The following LRRC4C variants were observed in gnomAD, a reference collection of about 807,000 sequenced individuals.
LRRC4C encodes leucine-rich repeat-containing protein 4C.
In LRRC4C, 5 loss-of-function variants were observed where a neutral mutation model predicts 33.6. That is an observed-to-expected ratio of 0.15 (90% CI 0.08 to 0.31). The LOEUF (loss-of-function observed/expected upper bound fraction) is 0.31. Ranked by LOEUF, LRRC4C falls within the 10% of genes least tolerant of loss-of-function variation. The pLI, the probability that LRRC4C is intolerant of heterozygous loss-of-function variation, is 1.00. For synonymous variants in LRRC4C, 329 were observed against 302.0 expected, an observed-to-expected ratio of 1.09 and a Z score of -0.93; for missense variants, 560 against 796.7, an observed-to-expected ratio of 0.70 and a Z score of 3.58.
intron 4 of LRRC4C, among the ~76,000 whole-genome samples, chr11:40,281,505 C>T (rs1170551540): frequency 6.6e-6 from 1 of 152,162 alleles, no homozygotes; most frequent in African/African-American, 2.4e-5. Flanking sequence ...TGAGATTTGG[C>T]TCAGGTTCAA....
intron 1 of LRRC4C, among the ~76,000 whole-genome samples, chr11:41,425,167 T>C (rs1001470270): frequency 1.3e-5 from 2 of 152,100 alleles, no homozygotes; most frequent in Non-Finnish European, 2.9e-5. Flanking sequence ...GTCATCATGA[T>C]TAATTTCATT....
chr11:40,995,105 G>C lies in LRRC4C; in HGVS notation c.-495-61382C>G, dbSNP rs1853875036. ...AAACAACAACTTAATGTGTGTTTTT[G>C]AGAACTGAGTATTTTTTTCTCTTGA... On this transcript the variant is annotated intron_variant, in intron 1 of 6. Transcript: ENST00000528697. Among the ~76,000 whole-genome samples, 8 of 152,120 alleles carry C rather than the reference G, an allele frequency of 5.3e-5. 1 individual carries two copies. Among genetic ancestry groups the C allele is most frequent in the Admixed American group, 5.2e-4 (8 of 15,256 alleles).
intron 1 of LRRC4C, among the ~76,000 whole-genome samples, chr11:41,355,632 A>C (rs1431286388): frequency 6.6e-6 from 1 of 152,066 alleles, no homozygotes; most frequent in East Asian, 1.9e-4. Flanking sequence ...TGTTGTTGTT[A>C]ACTCTTTTTT....
chr11:40,677,004 G>T (rs1944438334), intron 2 of LRRC4C, among the ~76,000 whole-genome samples: 1 of 152,112 alleles, frequency 6.6e-6, no homozygotes, highest in African/African-American at 2.4e-5. Context: ...CAGCAGATAT[G>T]ATCATTGTGG....
intron 3 of LRRC4C, among the ~76,000 whole-genome samples, chr11:40,568,387 G>T (rs1168229831): frequency 6.6e-6 from 1 of 152,198 alleles, no homozygotes; most frequent in African/African-American, 2.4e-5. Context: ...TACCTTGATT[G>T]CAGGCTTTTG....
chr11:40,489,135 C>A (rs1019242015), intron 3 of LRRC4C, among the ~76,000 whole-genome samples: 3 of 152,078 alleles, frequency 2.0e-5, no homozygotes, highest in African/African-American at 7.2e-5. Flanking sequence ...AATCCCACTT[C>A]ATTATATCCC....
At chr11:40,633,371 T>TTTTCTTTCTTTCTTTCTTTCTCTCTC in intron 3 of LRRC4C, among the ~76,000 whole-genome samples, 1 of 96,324 alleles carries the variant, frequency 1.0e-5, no homozygotes, top group African/African-American at 3.5e-5. Context: ...CTTTCTTTCT[T>TTTTCTTTCTTTCTTTCTTTCTCTCTC]TCTCTCTCTT....
intron 1 of LRRC4C, among the ~76,000 whole-genome samples, chr11:41,236,213 C>G (rs1347321202): frequency 1.3e-5 from 2 of 152,132 alleles, no homozygotes; most frequent in Non-Finnish European, 2.9e-5. Context: ...GGTATAGAAG[C>G]TCTGAACTAA....
chr11:41,155,955 G>A (rs533062525), intron 1 of LRRC4C, among the ~76,000 whole-genome samples: 6 of 152,024 alleles, frequency 3.9e-5, no homozygotes, highest in East Asian at 1.9e-4. Context: ...CATCTTCCAC[G>A]TGATGACTCA....
chr11:41,212,532 G>T (rs1946865941), intron 1 of LRRC4C, among the ~76,000 whole-genome samples: 1 of 152,138 alleles, frequency 6.6e-6, no homozygotes, highest in African/African-American at 2.4e-5. Flanking sequence ...CATCGCTTAG[G>T]TATTAAGCTC....
At chr11:40,597,794 G>A (rs1231121719) in intron 3 of LRRC4C, among the ~76,000 whole-genome samples, 1 of 152,080 alleles carries the variant, frequency 6.6e-6, no homozygotes, top group African/African-American at 2.4e-5. Context: ...CGTTGACATC[G>A]CAGTCAGCCC....
intron 1 of LRRC4C, among the ~76,000 whole-genome samples, chr11:41,408,326 T>C (rs1174983203): frequency 6.6e-6 from 1 of 152,202 alleles, no homozygotes. Context: ...TAATTGTTTA[T>C]CCACTTAAAA....
At chr11:40,128,235 A>G (rs911132282) in intron 6 of LRRC4C, among the ~76,000 whole-genome samples, 2 of 152,166 alleles carry the variant, frequency 1.3e-5, no homozygotes, top group Admixed American at 1.3e-4. Context: ...CGAATCCCCA[A>G]ACTTGCCCCT....
At chr11:41,208,910 C>G (rs1399289106) in intron 1 of LRRC4C, among the ~76,000 whole-genome samples, 4 of 152,074 alleles carry the variant, frequency 2.6e-5, no homozygotes, top group African/African-American at 9.7e-5. Context: ...ACTGAGGGTG[C>G]AGGGTCACCA....
intron 1 of LRRC4C, among the ~76,000 whole-genome samples, chr11:41,346,987 A>G (rs1951823875): frequency 6.6e-6 from 1 of 152,244 alleles, no homozygotes; most frequent in Admixed American, 6.5e-5. Context: ...AGATGATTCT[A>G]TTCTTGCCTT....
chr11:40,933,023 A>G (rs925561299), intron 2 of LRRC4C, among the ~76,000 whole-genome samples: 3 of 152,192 alleles, frequency 2.0e-5, no homozygotes, highest in African/African-American at 7.2e-5. Context: ...CAGGGGATAG[A>G]TTTCATAGAG....
At chr11:40,264,555 G>GCATCC (rs1232197869) in intron 4 of LRRC4C, among the ~76,000 whole-genome samples, 1 of 152,120 alleles carries the variant, frequency 6.6e-6, no homozygotes, top group African/African-American at 2.4e-5. Flanking sequence ...AAAAGGACTT[G>GCATCC]CATCCTCTGA....
intron 3 of LRRC4C, among the ~76,000 whole-genome samples, chr11:40,427,391 C>T (rs1950756334): frequency 6.6e-6 from 1 of 152,274 alleles, no homozygotes; most frequent in Non-Finnish European, 1.5e-5. Context: ...CCTGCAATCC[C>T]ACCTACTCAG....
At chr11:40,960,991 T>A (rs1388879818) in intron 1 of LRRC4C, among the ~76,000 whole-genome samples, 1 of 151,666 alleles carries the variant, frequency 6.6e-6, no homozygotes, top group Non-Finnish European at 1.5e-5. Context: ...ACATTTGAGA[T>A]CTTGTGTCTT....
Sources: allele counts gnomAD v4.1 joint callset (sites outside exome capture counted in the v4.1 genomes callset), GRCh38; gene constraint gnomAD v4.1.1; transcripts MANE v1.5; gene names NCBI Gene and HGNC (gene_info 2026-07-23, HGNC 2026-07-21).